The following KIF21B variants were observed in gnomAD, a reference collection of about 807,000 sequenced individuals.
KIF21B encodes the protein kinesin-like protein KIF21B.
In KIF21B, 85 loss-of-function variants were observed where a neutral mutation model predicts 192.9. That is an observed-to-expected ratio of 0.44 (90% confidence interval 0.37 to 0.53). The LOEUF is 0.53. Among genes scored for constraint, KIF21B ranks in the 20% least tolerant of loss-of-function variants. The pLI is 0.00. For synonymous variants in KIF21B, 832 were observed against 884.6 expected (o/e 0.94, Z 1.05); for missense variants, 1,716 against 2,194.8 (o/e 0.78, Z 4.36).
intron 1 of KIF21B, among the ~76,000 whole-genome samples, chr1:201,015,031 AT>A (rs1174617830): frequency 1.3e-5 from 2 of 152,178 alleles, no homozygotes; most frequent in Non-Finnish European, 2.9e-5. Flanking sequence ...CATAGACACT[AT>A]CTAGGGTGCT....
In KIF21B at chr1:201,004,905, T is replaced by G. The variant is rs924771118; in HGVS notation, c.761A>C (p.Asp254Ala). The G allele has an allele frequency of 1.9e-6, 3 of 1,609,972 alleles. No individual in the cohort carries two copies. The South Asian group carries it at 3.3e-5, about 18-fold the overall frequency. The change falls in exon 6 of 35, where the codon GAT becomes GCT. Residue 254 changes from aspartate (D) to alanine (A), a missense_variant. Physicochemically the swap from Asp to Ala is moderately radical, Grantham distance 126. Transcript: ENST00000461742. The part of the protein sequence containing the change: ...LVNEAVTGLP[D>A]GTPPSSEYET... ...ATACTCACTCGAGGGAGGTGTACCA[T>G]CAGGAAGCCCAGTCACCGCCTCATT...
intron 8 of KIF21B, 124 bp downstream of exon 8, chr1:201,003,462 G>A (rs1558019520): frequency 4.3e-6 from 4 of 926,690 alleles, no homozygotes; most frequent in Non-Finnish European, 6.8e-6. Context: ...TGTCCAAAGT[G>A]GATGATGGTA....
Position 201,023,463 on chromosome 1 carries a change from C to A in KIF21B, c.-80G>T. On this transcript the variant is annotated 5_prime_UTR_variant, in exon 1 of 35. Coordinates refer to ENST00000461742, the MANE Select transcript of KIF21B (RefSeq NM_001252102.2). This position sits in a 1 kb window ranked among gnomAD's most constrained non-coding sequence, Gnocchi z 5.9. ...ATGCCCGAGGCAGCGGCTGCGGCTG[C>A]GGGAGGCGGGGGCGCGGGCGCGGCT... 5.4e-6 allele frequency: 6 copies of A among 1,108,140 alleles called. No individual in the cohort carries two copies. Among genetic ancestry groups the A allele is most frequent in the Non-Finnish European group, 7.0e-6 (6 of 863,274 alleles). The allele number at this position is 1,108,140 out of a possible 1,614,324, so 68.6% of individuals were successfully genotyped here. A position where few individuals can be genotyped will look rare whatever the true frequency, so the allele number is the denominator to read the frequency against.
At chr1:201,015,822 C>CA (rs1658470549) in intron 1 of KIF21B, among the ~76,000 whole-genome samples, 1 of 152,154 alleles carries the variant, frequency 6.6e-6, no homozygotes, top group African/African-American at 2.4e-5. Flanking sequence ...GATAAGCTAG[C>CA]AAAAAGAACT....
At position 200,970,580 on chromosome 1, in the gene KIF21B, G is replaced by C. The variant is rs986923873; in HGVS notation, c.*2941C>G. ...CGTGAAAGCAAATACTGAACTGACT[G>C]ATAGTGAGGACAGGGCCCTGGCACA... On this transcript the variant is annotated 3_prime_UTR_variant, in exon 35 of 35. Transcript: ENST00000461742. The C allele has an allele frequency of 6.6e-5, 10 of 152,460 alleles. No homozygotes were observed. The highest frequency in any genetic ancestry group is 1.5e-4 in the Non-Finnish European group (10 of 68,078). 9.4% of individuals were successfully genotyped at this position (152,460 alleles called of 1,614,324 possible). A position where few individuals can be genotyped will look rare whatever the true frequency, so the allele number is the denominator to read the frequency against.
intron 15 of KIF21B, 114 bp downstream of exon 15, chr1:200,996,082 T>A: frequency 2.8e-6 from 3 of 1,061,126 alleles, no homozygotes; most frequent in Non-Finnish European, 4.3e-6. Context: ...TAATGCTGTG[T>A]GTTGAGAAGA....
In KIF21B at chr1:201,006,271, C is replaced by T. The variant is rs1049950184; in HGVS notation, c.448-577G>A. 4.0e-4 allele frequency among the ~76,000 whole-genome samples: 61 copies of T among 152,208 alleles called. 1 individual carries two copies. Among genetic ancestry groups the T allele is most frequent in the Admixed American group, 7.9e-4 (12 of 15,280 alleles). ...CCTGGAGAGGGCCTGGTGAGACCAT[C>T]GTGGGGAGGGGGCCTGGCCAGGAGC... On this transcript the variant is annotated intron_variant, in intron 3 of 34. Coordinates refer to ENST00000461742, the MANE Select transcript of KIF21B (RefSeq NM_001252102.2).
At chr1:200,977,690 T>C (rs1264102214) in intron 30 of KIF21B, among the ~76,000 whole-genome samples, 1 of 152,138 alleles carries the variant, frequency 6.6e-6, no homozygotes, top group East Asian at 1.9e-4. Flanking sequence ...TGAGTCTCGG[T>C]TTCCTCATCT....
chr1:200,998,602 C>A lies in KIF21B; in HGVS notation c.1886-27G>T. On this transcript the variant is annotated intron_variant, in intron 13 of 34. Coordinates refer to ENST00000461742, the MANE Select transcript of KIF21B (RefSeq NM_001252102.2). The surrounding 1 kb of genome is among the most constrained non-coding windows in gnomAD (Gnocchi z 4.3). ...TATGGGGGCACAATCAGGCTCAGCC[C>A]AGCGTTAGGGCGAGGGGCAAATTGG... 1 of 1,606,716 alleles carries A rather than the reference C, an allele frequency of 6.2e-7. No individual in the cohort carries two copies. The highest frequency in any genetic ancestry group is 1.3e-5 in the African/African-American group (1 of 74,892).
rs777644350 is a variant in KIF21B, at chr1:200,989,983, G to A, written c.3091C>T (p.Arg1031Cys). ...TTGAGGAAGTTGTCTAGCAGGAGGC[G>A]GGCTTCAGCCAGGGAGCAGGAGCTG... Reference protein sequence around the residue: ...VISSCSLAEARLLLDNFLKAS... With the variant: ...VISSCSLAEACLLLDNFLKAS... Residue 1031 changes from arginine (R) to cysteine (C), a missense_variant, in exon 21 of 35, where the codon CGC becomes TGC. Arg to Cys is a radical substitution (Grantham distance 180). Around this residue, in one of 3 missense-constraint regions of KIF21B, gnomAD observed 49 missense variants for 102.6 expected, o/e 0.48. Coordinates refer to ENST00000461742, the MANE Select transcript of KIF21B (RefSeq NM_001252102.2). 8.7e-6 allele frequency: 14 copies of A among 1,613,878 alleles called. No individual in the cohort carries two copies. The highest frequency in any genetic ancestry group is 4.4e-5 in the South Asian group (4 of 91,072).
At chr1:201,012,867 C>T (rs574003810) in intron 1 of KIF21B, among the ~76,000 whole-genome samples, 1 of 152,278 alleles carries the variant, frequency 6.6e-6, no homozygotes, top group Admixed American at 6.5e-5. Flanking sequence ...CTGTCTCGAA[C>T]TCCTGAGCTC....
rs1394833774 is a variant in KIF21B, at chr1:200,976,903, G to C, written c.4326-10C>G. On this transcript the variant is annotated splice_polypyrimidine_tract_variant and intron_variant, in intron 31 of 34. Coordinates refer to ENST00000461742, the MANE Select transcript of KIF21B (RefSeq NM_001252102.2). ...GCCGACAGGCTGGAACCTGCAGTGGGAAGAGGCCCAGCCAGGGGTAGGTGA... is the reference window on the plus strand; with the variant it reads ...GCCGACAGGCTGGAACCTGCAGTGGCAAGAGGCCCAGCCAGGGGTAGGTGA... 11 of 1,592,020 alleles carry C rather than the reference G, an allele frequency of 6.9e-6. No homozygotes were observed. The highest frequency in any genetic ancestry group is 1.7e-5 in the Admixed American group (1 of 58,756).
At chr1:201,018,373 GC>G (rs1413118161) in intron 1 of KIF21B, among the ~76,000 whole-genome samples, 1 of 152,222 alleles carries the variant, frequency 6.6e-6, no homozygotes, top group Non-Finnish European at 1.5e-5. Context: ...GGATTTAGGA[GC>G]TAGGACCATG....
rs745918277 is a variant in KIF21B at position 200,981,081 on chromosome 1, C to T, written c.3858G>A (p.Pro1286=). The change falls in exon 29 of 35, where the codon CCG becomes CCA. Residue 1286 remains proline (P), a synonymous_variant. Coordinates refer to ENST00000461742, the MANE Select transcript of KIF21B (RefSeq NM_001252102.2). ...TCCGTGCACCCTTGGCTCCTCCAAC[C>T]GGGGAGATGATGCCCCTTCCCGGGA... The part of the protein sequence containing the change: ...LSEVLRGIIS[P]VGGAKGARTA... 3.8e-5 allele frequency: 60 copies of T among 1,591,836 alleles called. No homozygotes were observed. Among genetic ancestry groups the T allele is most frequent in the Admixed American group, 3.7e-4 (20 of 53,388 alleles).
Position 200,977,283 on chromosome 1 carries a change from G to T in KIF21B, c.4254C>A (p.Ile1418=). ...SAQGEHQINQ[I]ALSPSGTMLY... Reference sequence around the variant, plus strand: ...GCATGGTGCCCGAAGGGCTGAGGGCGATCTGGTTGATCTGATGCTCGCCCT... The same window carrying T: ...GCATGGTGCCCGAAGGGCTGAGGGCTATCTGGTTGATCTGATGCTCGCCCT... The change falls in exon 31 of 35, where the codon ATC becomes ATA. Residue 1418 remains isoleucine (I), a synonymous_variant. Coordinates refer to ENST00000461742, the MANE Select transcript of KIF21B (RefSeq NM_001252102.2). 2 of 1,614,242 alleles carry T rather than the reference G, an allele frequency of 1.2e-6. No individual in the cohort carries two copies. Among genetic ancestry groups the T allele is most frequent in the African/African-American group, 1.3e-5 (1 of 75,076 alleles).
chr1:200,976,356 T>C (rs1655548915), intron 32 of KIF21B, among the ~76,000 whole-genome samples: 1 of 152,190 alleles, frequency 6.6e-6, no homozygotes, highest in South Asian at 2.1e-4. Flanking sequence ...CCTCCCAAAG[T>C]GCTAGGATTA....
Position 201,023,320 on chromosome 1 carries a change from C to A in KIF21B, c.41+23G>T, listed in dbSNP as rs766869583. 1.3e-6 allele frequency: 2 copies of A among 1,523,228 alleles called. No individual in the cohort carries two copies. Among genetic ancestry groups the A allele is most frequent in the Non-Finnish European group, 1.8e-6 (2 of 1,136,954 alleles). 94.4% of individuals were successfully genotyped at this position (1,523,228 alleles called of 1,614,324 possible). ...AAGCCCGAGGCTTCTCCGCGCGCCC[C>A]CTTCCCCGCCCCGGGTCCCTACCTG... On this transcript the variant is annotated intron_variant, in intron 1 of 34. Coordinates refer to ENST00000461742, the MANE Select transcript of KIF21B (RefSeq NM_001252102.2). This position sits in a 1 kb window ranked among gnomAD's most constrained non-coding sequence, Gnocchi z 5.9.
intron 30 of KIF21B, among the ~76,000 whole-genome samples, chr1:200,979,175 T>G (rs1407179183): frequency 6.6e-6 from 1 of 151,722 alleles, no homozygotes; most frequent in Non-Finnish European, 1.5e-5. Flanking sequence ...GACTGGGTGG[T>G]CGCCTACACA....
At chr1:201,012,075 G>A (rs1465327908) in intron 1 of KIF21B, among the ~76,000 whole-genome samples, 1 of 152,198 alleles carries the variant, frequency 6.6e-6, no homozygotes, top group Non-Finnish European at 1.5e-5. Context: ...AGACCCCAGG[G>A]TTTTAGGGTC....
Sources: gnomAD v4.1 joint callset for allele counts (sites outside exome capture counted in the v4.1 genomes callset) on GRCh38, gnomAD v4.1.1 for gene constraint, gnomAD v4.1.1 regional missense constraint, Gnocchi (gnomAD v3.1) non-coding constraint, MANE v1.5 for transcripts, NCBI Gene and HGNC (gene_info 2026-07-23, HGNC 2026-07-21) for gene names.